The following DMD variants were observed in gnomAD, a reference collection of about 807,000 sequenced individuals.
DMD encodes mutant dystrophin.
In DMD, 63 loss-of-function variants were observed where a neutral mutation model predicts 330.1. The ratio of observed to expected loss-of-function variants is 0.19; its 90% CI spans 0.16 to 0.24. The LOEUF (loss-of-function observed/expected upper bound fraction) is 0.24. Ranked by LOEUF, DMD falls within the 10% of genes least tolerant of loss-of-function variation. The pLI is 1.00. For synonymous variants in DMD, 1,223 were observed against 959.8 expected, an observed-to-expected ratio of 1.27 and a Z score of -5.07; for missense variants, 3,344 against 2,684.1, an observed-to-expected ratio of 1.25 and a Z score of -5.43.
chrX:31,884,061 A>G (rs941399596), intron 47 of DMD, among the ~76,000 whole-genome samples: 4 of 111,948 alleles, frequency 3.6e-5, no homozygotes, highest in African/African-American at 1.3e-4. Flanking sequence ...GTAAATTAGT[A>G]TAATTATTGT....
chrX:31,217,620 G>A (rs1283574204), intron 64 of DMD, among the ~76,000 whole-genome samples: 4 of 111,987 alleles, frequency 3.6e-5, no homozygotes, highest in East Asian at 2.8e-4. Flanking sequence ...TGCCTGTACC[G>A]CAGACAATAG....
intron 7 of DMD, among the ~76,000 whole-genome samples, chrX:32,753,696 A>G (rs2071117243): frequency 8.9e-6 from 1 of 112,220 alleles, no homozygotes; most frequent in Non-Finnish European, 1.9e-5. Context: ...TAAATACTAC[A>G]TTATACTATA....
chrX:32,090,608 C>T (rs772868019), intron 44 of DMD, among the ~76,000 whole-genome samples: 3 of 111,728 alleles, frequency 2.7e-5, no homozygotes, highest in Admixed American at 1.9e-4. Flanking sequence ...TCATGAAGTC[C>T]GTTTCATGAT....
intron 47 of DMD, among the ~76,000 whole-genome samples, chrX:31,903,934 A>G (rs2094450326): frequency 8.9e-6 from 1 of 111,972 alleles, no homozygotes; most frequent in Non-Finnish European, 1.9e-5. Flanking sequence ...AAAAAATAAT[A>G]GGAATTTTAT....
intron 4 of DMD, among the ~76,000 whole-genome samples, chrX:32,829,420 GC>G (rs1445831419): frequency 9.0e-6 from 1 of 111,050 alleles, no homozygotes; most frequent in African/African-American, 3.3e-5. Context: ...TTATAAAATT[GC>G]TTTTAGTTTC....
At chrX:32,186,213 G>GA (rs1199614722) in intron 44 of DMD, among the ~76,000 whole-genome samples, 5 of 109,977 alleles carry the variant, frequency 4.5e-5, no homozygotes, top group Admixed American at 9.7e-5. Flanking sequence ...ACACTCGTAA[G>GA]AAAAAAAATG....
chrX:31,564,111 A>G (rs1002423445), intron 55 of DMD, among the ~76,000 whole-genome samples: 1 of 111,164 alleles, frequency 9.0e-6, no homozygotes, highest in African/African-American at 3.3e-5. Context: ...ATCAGAAACT[A>G]GGGGAATGGA....
chrX:32,138,353 C>T (rs757133907), intron 44 of DMD, among the ~76,000 whole-genome samples: 1 of 110,947 alleles, frequency 9.0e-6, no homozygotes, highest in Non-Finnish European at 1.9e-5. Context: ...ACTCACTTAA[C>T]CCTATATTCA....
chrX:32,462,058 T>A (rs185078493), intron 25 of DMD, among the ~76,000 whole-genome samples: 6 of 111,086 alleles, frequency 5.4e-5, no homozygotes, highest in Non-Finnish European at 7.6e-5. Flanking sequence ...AAAGACCAAC[T>A]GCCTCTAACA....
intron 2 of DMD, among the ~76,000 whole-genome samples, chrX:32,941,956 G>T (rs1192082011): frequency 1.8e-5 from 2 of 111,808 alleles, no homozygotes; most frequent in Non-Finnish European, 3.8e-5. Flanking sequence ...TTCCTACTCT[G>T]CAGGTTATCA....
intron 46 of DMD, 72 bp from the exon 47 acceptor site, chrX:31,929,817 A>G (rs898454329): frequency 2.6e-6 from 3 of 1,146,747 alleles, no homozygotes; most frequent in Non-Finnish European, 3.6e-6. Flanking sequence ...CTTTGCTTCT[A>G]TTGATTAGTC....
At chrX:31,504,973 C>T (rs1165914201) in intron 56 of DMD, among the ~76,000 whole-genome samples, 1 of 112,095 alleles carries the variant, frequency 8.9e-6, no homozygotes, top group East Asian at 2.8e-4. Context: ...ACATGGGAAA[C>T]TGCTGAGAAT....
At chrX:32,768,781 AGTTCCTAACTATG>A (rs1350268518) in intron 7 of DMD, among the ~76,000 whole-genome samples, 4 of 112,246 alleles carry the variant, frequency 3.6e-5, no homozygotes, top group African/African-American at 1.3e-4. Context: ...TGAAGCTGAT[AGTTCCTAACTATG>A]GCAGAGACAG....
intron 42 of DMD, among the ~76,000 whole-genome samples, chrX:32,292,529 G>A (rs966537933): frequency 1.0e-4 from 11 of 108,816 alleles, no homozygotes; most frequent in Non-Finnish European, 1.3e-4. Context: ...GGATGGTCTC[G>A]ATCTCCTGAC....
At chrX:31,822,206 T>C (rs775150279) in intron 49 of DMD, among the ~76,000 whole-genome samples, 81 of 111,732 alleles carry the variant, frequency 7.2e-4, no homozygotes, top group African/African-American at 2.3e-3. Flanking sequence ...GAGAGGTCAA[T>C]AGGTTACCCA....
At chrX:32,407,881 C>A (rs2098124943) in intron 30 of DMD, among the ~76,000 whole-genome samples, 2 of 103,004 alleles carry the variant, frequency 1.9e-5, no homozygotes, top group South Asian at 4.7e-4. Context: ...GGACAAAAAA[C>A]CAAACACCGC....
intron 2 of DMD, among the ~76,000 whole-genome samples, chrX:32,930,272 T>C (rs1350260229): frequency 9.0e-6 from 1 of 111,191 alleles, no homozygotes; most frequent in Non-Finnish European, 1.9e-5. Flanking sequence ...AGTATCACTT[T>C]CGCACCATCC....
At chrX:32,279,675 G>C (rs886680563) in intron 43 of DMD, among the ~76,000 whole-genome samples, 1 of 107,176 alleles carries the variant, frequency 9.3e-6, no homozygotes, top group South Asian at 4.2e-4. Flanking sequence ...AAGGGTAGTG[G>C]GGGGGTTGAG....
At chrX:33,185,616 TC>T (rs1204441726) in intron 1 of DMD, among the ~76,000 whole-genome samples, 20 of 111,251 alleles carry the variant, frequency 1.8e-4, no homozygotes, top group African/African-American at 6.2e-4. Flanking sequence ...GTTTTAGTCC[TC>T]CCCCACAAAA....
Sources: gnomAD v4.1 joint callset for allele counts (sites outside exome capture counted in the v4.1 genomes callset) on GRCh38, gnomAD v4.1.1 for gene constraint, MANE v1.5 for transcripts, NCBI Gene and HGNC (gene_info 2026-07-23, HGNC 2026-07-21) for gene names.